GHITM: variants seen among roughly 807,000 people sequenced by gnomAD.
GHITM encodes the protein growth hormone inducible transmembrane protein.
GHITM carries 24 observed loss-of-function variants against 38.7 expected under a neutral mutation model. The observed-to-expected ratio is 0.62, with a 90% CI of 0.45 to 0.87. The LOEUF (loss-of-function observed/expected upper bound fraction) is 0.87, where lower values mean the gene tolerates loss of function less well. Among genes scored for constraint, GHITM ranks in the 40% least tolerant of loss-of-function variants. The pLI is 0.00. For synonymous variants in GHITM, 154 were observed against 147.8 expected (o/e 1.04, Z -0.30); for missense variants, 420 against 429.8 (o/e 0.98, Z 0.20).
chr10:84,151,772 T>A (rs1320142946), intron 8 of GHITM, among the ~76,000 whole-genome samples: 1 of 152,184 alleles, frequency 6.6e-6, no homozygotes, highest in South Asian at 2.1e-4. Flanking sequence ...CTGTCACATT[T>A]TTTTAAAGTA....
intron 7 of GHITM, 95 bp downstream of exon 7, chr10:84,150,338 A>G (rs1342581429): frequency 9.6e-7 from 1 of 1,044,610 alleles, no homozygotes; most frequent in Non-Finnish European, 1.3e-6. Flanking sequence ...ATTTATTTTA[A>G]AAGTTTTTTT....
At chr10:84,142,581 G>A in intron 2 of GHITM, 74 bp from the exon 3 acceptor site, 1 of 891,766 alleles carries the variant, frequency 1.1e-6, no homozygotes, top group East Asian at 2.6e-5. Flanking sequence ...TAGTGTAAAG[G>A]GATCTTGCAT....
At position 84,149,100 on chromosome 10, in the gene GHITM, G is replaced by A. The variant is rs148193842; in HGVS notation, c.592+262G>A. On this transcript the variant is annotated intron_variant, in intron 6 of 8. Transcript: ENST00000372134. ...AGATTTACTTTTGTGTATTTTGTTC[G>A]ATACCAGGAGGGTTTTATATCTAGT... 1.3e-4 allele frequency among the ~76,000 whole-genome samples: 20 copies of A among 152,170 alleles called. No individual in the cohort carries two copies. In the East Asian group the frequency reaches 2.9e-3, roughly 22 times the overall value.
chr10:84,150,264 A>C (rs761757480), intron 7 of GHITM, 21 bp downstream of exon 7: 1 of 1,534,956 alleles, frequency 6.5e-7, no homozygotes, highest in Non-Finnish European at 8.8e-7. Context: ...GTGTTTTAAC[A>C]CTTAATTCTT....
rs1841620806 is a variant in GHITM at position 84,152,333 on chromosome 10, C to T, written c.1023C>T (p.Gly341=). 2 of 1,597,120 alleles carry T rather than the reference C, an allele frequency of 1.3e-6. No homozygotes were observed. The highest frequency in any genetic ancestry group is 1.7e-6 in the Non-Finnish European group (2 of 1,166,014). ...MRVATMLATG[G]NRKK ...TTGCAACTATGCTGGCAACTGGAGG[C>T]AACAGAAAGAAATGAAGTGACTCAG... The change falls in exon 9 of 9, where the codon GGC becomes GGT. Residue 341 remains glycine (G), a synonymous_variant. Coordinates refer to ENST00000372134, the MANE Select transcript of GHITM (RefSeq NM_014394.3).
At chr10:84,147,763 T>C (rs1275237949) in intron 5 of GHITM, among the ~76,000 whole-genome samples, 1 of 152,208 alleles carries the variant, frequency 6.6e-6, no homozygotes, top group African/African-American at 2.4e-5. Flanking sequence ...ACATTCTTCT[T>C]GTCATACACA....
Position 84,152,305 on chromosome 10 carries a change from G to A in GHITM, c.995G>A (p.Arg332Gln), listed in dbSNP as rs745822967. ...ATGGATACATTAAATATATTTATGCGAGTTGCAACTATGCTGGCAACTGGA... is the reference window on the plus strand; with the variant it reads ...ATGGATACATTAAATATATTTATGCAAGTTGCAACTATGCTGGCAACTGGA... ...IYMDTLNIFM[R>Q]VATMLATGGN... Residue 332 changes from arginine (R) to glutamine (Q), a missense_variant, in exon 9 of 9, where the codon CGA becomes CAA. Arg to Gln is a conservative substitution (Grantham distance 43). Transcript: ENST00000372134. 7 of 1,606,754 alleles carry A rather than the reference G, an allele frequency of 4.4e-6. No individual in the cohort carries two copies. The highest frequency in any genetic ancestry group is 2.7e-5 in the African/African-American group (2 of 74,786).
rs1433599775 is a variant in GHITM, at chr10:84,153,433, A to G, written c.*1085A>G. On this transcript the variant is annotated 3_prime_UTR_variant, in exon 9 of 9. Coordinates refer to ENST00000372134, the MANE Select transcript of GHITM (RefSeq NM_014394.3). ...TCAACCCAAAAGTGTAATGAGGAAAATGCTTCATTAGTTTCCCCTAGCAGA... is the reference window on the plus strand; with the variant it reads ...TCAACCCAAAAGTGTAATGAGGAAAGTGCTTCATTAGTTTCCCCTAGCAGA... Among the ~76,000 whole-genome samples, 2 of 152,228 alleles carry G rather than the reference A, an allele frequency of 1.3e-5. No individual in the cohort carries two copies. The highest frequency in any genetic ancestry group is 4.8e-5 in the African/African-American group (2 of 41,470).
At chr10:84,151,264 G>A (rs1245505780) in intron 8 of GHITM, among the ~76,000 whole-genome samples, 2 of 152,174 alleles carry the variant, frequency 1.3e-5, no homozygotes, top group Non-Finnish European at 2.9e-5. Context: ...GGGGGCAGAG[G>A]AGGGTCACAG....
intron 3 of GHITM, 88 bp from the exon 4 acceptor site, chr10:84,143,907 G>T (rs1841531988): frequency 2.2e-6 from 2 of 923,978 alleles, no homozygotes; most frequent in Admixed American, 3.5e-5. Context: ...ATTAAATATG[G>T]TACATGATTT....
intron 3 of GHITM, 45 bp downstream of exon 3, chr10:84,142,799 T>C (rs1178294609): frequency 1.0e-6 from 1 of 996,994 alleles, no homozygotes; most frequent in Non-Finnish European, 1.6e-6. Context: ...TATGGATATG[T>C]TTTAAGAGGT....
chr10:84,150,318 T>G (rs912048300), intron 7 of GHITM, 75 bp downstream of exon 7: 6 of 1,107,982 alleles, frequency 5.4e-6, no homozygotes, highest in Non-Finnish European at 7.5e-6. Context: ...ATATCCTAAT[T>G]GATTGAGTCA....
intron 6 of GHITM, 103 bp from the exon 7 acceptor site, chr10:84,149,952 T>G: frequency 1.1e-6 from 1 of 907,772 alleles, no homozygotes; most frequent in Non-Finnish European, 1.5e-6. Context: ...TGAATCATAG[T>G]GCTTAAACAG....
At chr10:84,147,352 C>A (rs1159440105) in intron 5 of GHITM, among the ~76,000 whole-genome samples, 3 of 152,214 alleles carry the variant, frequency 2.0e-5, no homozygotes, top group Non-Finnish European at 4.4e-5. Flanking sequence ...TCACCTCAGC[C>A]ACCCAAGTAA....
intron 6 of GHITM, among the ~76,000 whole-genome samples, chr10:84,149,273 A>G (rs1456515431): frequency 2.6e-5 from 4 of 152,130 alleles, no homozygotes; most frequent in African/African-American, 9.7e-5. Context: ...AATTTCACCC[A>G]CTGTTTTGCC....
intron 5 of GHITM, among the ~76,000 whole-genome samples, chr10:84,147,006 A>G (rs1175650320): frequency 6.6e-6 from 1 of 152,212 alleles, no homozygotes; most frequent in East Asian, 1.9e-4. Flanking sequence ...ACAGTACCAG[A>G]GTAAGTCGAC....
intron 7 of GHITM, 86 bp from the exon 8 acceptor site, chr10:84,150,622 GA>G (rs781649128): frequency 3.9e-5 from 42 of 1,063,842 alleles, no homozygotes; most frequent in Middle Eastern, 6.2e-4. Flanking sequence ...ATACCAAGGA[GA>G]TTTTTTTTTA....
chr10:84,145,286 C>A (rs1364505665), intron 5 of GHITM, among the ~76,000 whole-genome samples: 1 of 152,162 alleles, frequency 6.6e-6, no homozygotes, highest in East Asian at 1.9e-4. Context: ...ACCCTAACAA[C>A]AATGAAGTGT....
intron 6 of GHITM, among the ~76,000 whole-genome samples, 183 bp downstream of exon 6, chr10:84,149,021 C>A (rs1841584613): frequency 6.6e-6 from 1 of 152,192 alleles, no homozygotes; most frequent in Non-Finnish European, 1.5e-5. Flanking sequence ...TTTGCTAAGA[C>A]CATGGACATC....
Sources: allele counts gnomAD v4.1 joint callset (sites outside exome capture counted in the v4.1 genomes callset), GRCh38; gene constraint gnomAD v4.1.1; transcripts MANE v1.5; gene names NCBI Gene and HGNC (gene_info 2026-07-23, HGNC 2026-07-21).